The following GYG1 variants were observed in gnomAD, a reference collection of about 807,000 sequenced individuals.
The protein encoded by GYG1 is glycogenin-1.
A neutral mutation model predicts 41.9 loss-of-function variants in GYG1; 44 were observed. The observed-to-expected ratio is 1.05, with a 90% CI of 0.83 to 1.35. The LOEUF (loss-of-function observed/expected upper bound fraction) is 1.35. Ranked by LOEUF, GYG1 falls within the 40% of genes most tolerant of loss-of-function variation. The pLI is 0.00. For missense variants in GYG1, 429 were observed against 418.9 expected (o/e 1.02, Z -0.21); for synonymous variants, 141 against 158.1 (o/e 0.89, Z 0.81).
In GYG1 at chr3:149,009,260, TA is replaced by T. The variant is rs1559839089; in HGVS notation, c.482-15del. 1.3e-6 allele frequency: 2 copies of T among 1,593,126 alleles called. No individual in the cohort carries two copies. The highest frequency in any genetic ancestry group is 1.7e-4 in the Middle Eastern group (1 of 5,918). On this transcript the variant is annotated splice_polypyrimidine_tract_variant and intron_variant, in intron 4 of 7. Transcript: ENST00000345003. The stretch of plus-strand genomic sequence containing the variant: ...CTAGAGATCTGTTAACTAATTTATA[TA>T]TTTTTTTCTTTTAGGTGGGGACCAA...
At chr3:149,011,793 T>TC (rs1713747105) in intron 5 of GYG1, among the ~76,000 whole-genome samples, 2 of 152,076 alleles carry the variant, frequency 1.3e-5, no homozygotes, top group South Asian at 4.1e-4. Context: ...ATTTTGGAAA[T>TC]CCCCCGGGTT....
In GYG1 at chr3:149,028,272, AG is replaced by A. The variant is rs1714758590; in HGVS notation, c.*1340del. ...ACAAGCATATAGACAGCTTAAGTCA[AG>A]AATGGTTGGGGCCACCTTGAAGGCT... On this transcript the variant is annotated 3_prime_UTR_variant, in exon 8 of 8. Coordinates refer to ENST00000345003, the MANE Select transcript of GYG1 (RefSeq NM_004130.4). 6.6e-6 allele frequency among the ~76,000 whole-genome samples: 1 copy of A among 152,236 alleles called. No homozygotes were observed. Among genetic ancestry groups the A allele is most frequent in the South Asian group, 2.1e-4 (1 of 4,830 alleles).
chr3:149,009,179 A>G, intron 4 of GYG1, 97 bp from the exon 5 acceptor site: 2 of 935,614 alleles, frequency 2.1e-6, no homozygotes, highest in East Asian at 2.6e-5. Context: ...AAAAAATGGA[A>G]TTAGTGTCTA....
At chr3:149,026,123 A>ATTT (rs1714638005) in intron 6 of GYG1, among the ~76,000 whole-genome samples, 1 of 152,230 alleles carries the variant, frequency 6.6e-6, no homozygotes, top group African/African-American at 2.4e-5. Context: ...TGAACCAAGG[A>ATTT]AAGGTGAAGA....
At chr3:149,014,067 G>T (rs1713885206) in intron 5 of GYG1, among the ~76,000 whole-genome samples, 1 of 152,058 alleles carries the variant, frequency 6.6e-6, no homozygotes, top group East Asian at 1.9e-4. Flanking sequence ...CACTGCTTAG[G>T]TGTACAGTTT....
chr3:149,027,064 C>CT lies in GYG1; in HGVS notation c.*137dup. Reference sequence around the variant, plus strand: ...TCATTAAAACTTATCAGATGAGAGGCTTTTTTAGGATAAGAGGTGAGAACT... The same window carrying CT: ...TCATTAAAACTTATCAGATGAGAGGCTTTTTTTAGGATAAGAGGTGAGAACT... On this transcript the variant is annotated 3_prime_UTR_variant, in exon 8 of 8. Coordinates refer to ENST00000345003, the MANE Select transcript of GYG1 (RefSeq NM_004130.4). 4.3e-6 allele frequency: 4 copies of CT among 934,342 alleles called. No homozygotes were observed. In the Admixed American group the frequency reaches 6.4e-5, roughly 15 times the overall value. The allele number at this position is 934,342 out of a possible 1,614,324, so 57.9% of individuals were successfully genotyped here. A position where few individuals can be genotyped will look rare whatever the true frequency, so the allele number is the denominator to read the frequency against.
At chr3:149,004,592 C>T (rs1014889751) in intron 4 of GYG1, among the ~76,000 whole-genome samples, 3 of 152,192 alleles carry the variant, frequency 2.0e-5, no homozygotes, top group African/African-American at 7.2e-5. Flanking sequence ...AATTCAGCTA[C>T]GGACTTCTAC....
intron 4 of GYG1, among the ~76,000 whole-genome samples, chr3:149,003,633 A>G (rs759394681): frequency 6.6e-5 from 10 of 152,194 alleles, no homozygotes; most frequent in Admixed American, 4.6e-4. Context: ...TATGCAGACA[A>G]ATTCCCTAGG....
At chr3:148,991,746 G>A in intron 1 of GYG1, 99 bp downstream of exon 1, 1 of 1,028,904 alleles carries the variant, frequency 9.7e-7, no homozygotes, top group Admixed American at 2.4e-5. Flanking sequence ...GAGTGTTCCC[G>A]GCAGGACGAA....
chr3:148,999,277 G>A (rs1184358732), intron 4 of GYG1, among the ~76,000 whole-genome samples: 1 of 152,142 alleles, frequency 6.6e-6, no homozygotes, highest in Non-Finnish European at 1.5e-5. Context: ...AGGTTTCCAG[G>A]TGCTGGCCAT....
rs1714730288 is a variant in GYG1 at position 149,027,641 on chromosome 3, G to A, written c.*708G>A. The A allele has an allele frequency of 6.6e-6, 1 of 152,382 alleles. No homozygotes were observed. The highest frequency in any genetic ancestry group is 2.4e-5 in the African/African-American group (1 of 41,444). The allele number at this position is 152,382 out of a possible 1,614,324, so 9.4% of individuals were successfully genotyped here. On this transcript the variant is annotated 3_prime_UTR_variant, in exon 8 of 8. Coordinates refer to ENST00000345003, the MANE Select transcript of GYG1 (RefSeq NM_004130.4). ...AAAGACTTATTGCTGTATCTTGGTTGTTTAATTAAATTAAGGAATTTCACC... is the reference window on the plus strand; with the variant it reads ...AAAGACTTATTGCTGTATCTTGGTTATTTAATTAAATTAAGGAATTTCACC...
chr3:149,010,476 G>A (rs759284896), intron 5 of GYG1, among the ~76,000 whole-genome samples: 4 of 152,030 alleles, frequency 2.6e-5, no homozygotes, highest in Admixed American at 6.5e-5. Flanking sequence ...ACAGGCACGT[G>A]CCACTACACA....
chr3:149,012,910 G>A (rs1461947621), intron 5 of GYG1, among the ~76,000 whole-genome samples: 1 of 151,786 alleles, frequency 6.6e-6, no homozygotes, highest in Non-Finnish European at 1.5e-5. Flanking sequence ...CTATAGCCTC[G>A]ACCTCCTGAG....
At chr3:149,024,613 T>A (rs1714553419) in intron 6 of GYG1, among the ~76,000 whole-genome samples, 1 of 152,246 alleles carries the variant, frequency 6.6e-6, no homozygotes, top group Non-Finnish European at 1.5e-5. Context: ...ATTGAATGTT[T>A]TAGGAACTGC....
In GYG1 at chr3:149,024,113, T is replaced by C; in HGVS notation, c.669T>C (p.Thr223=). The part of the protein sequence containing the change: ...FLGRVKPWNY[T]YDPKTKSVKS... The stretch of plus-strand genomic sequence containing the variant: ...GACGAGTCAAACCATGGAATTATAC[T>C]TATGATCCCAAAACAAAAAGTGTCA... Residue 223 remains threonine, a synonymous_variant, in exon 6 of 8, where the codon ACT becomes ACC. Transcript: ENST00000345003. 6.2e-7 allele frequency: 1 copy of C among 1,614,174 alleles called. No individual in the cohort carries two copies. Among genetic ancestry groups the C allele is most frequent in the Non-Finnish European group, 8.5e-7 (1 of 1,180,000 alleles).
At chr3:149,015,933 C>T (rs1167606424) in intron 5 of GYG1, among the ~76,000 whole-genome samples, 1 of 151,990 alleles carries the variant, frequency 6.6e-6, no homozygotes, top group Admixed American at 6.6e-5. Flanking sequence ...AAGGGGATGG[C>T]ACCTAGAACA....
In GYG1 at chr3:148,991,634, C is replaced by T. The variant is rs1257597071; in HGVS notation, c.-7C>T. On this transcript the variant is annotated 5_prime_UTR_variant, in exon 1 of 8. Coordinates refer to ENST00000345003, the MANE Select transcript of GYG1 (RefSeq NM_004130.4). ...CTGCCCCGGCCGCCTGCGCACCCGG[C>T]AGCACCATGACAGGTACCGCCGCGC... 5.2e-6 allele frequency: 8 copies of T among 1,552,850 alleles called. No individual in the cohort carries two copies. The highest frequency in any genetic ancestry group is 2.7e-5 in the African/African-American group (2 of 72,802).
At chr3:149,024,643 C>T (rs1323510106) in intron 6 of GYG1, among the ~76,000 whole-genome samples, 1 of 152,192 alleles carries the variant, frequency 6.6e-6, no homozygotes, top group Non-Finnish European at 1.5e-5. Flanking sequence ...GATGTATCTA[C>T]TTTATATTTG....
At position 149,026,785 on chromosome 3, in the gene GYG1, A is replaced by T; in HGVS notation, c.905A>T (p.His302Leu). 4 of 1,613,168 alleles carry T rather than the reference A, an allele frequency of 2.5e-6. No homozygotes were observed. The highest frequency in any genetic ancestry group is 3.4e-6 in the Non-Finnish European group (4 of 1,179,082). The change falls in exon 8 of 8, where the codon CAT becomes CTT. Residue 302 changes from histidine (H) to leucine (L), a missense_variant. His to Leu is a moderately conservative substitution (Grantham distance 99). Transcript: ENST00000345003. ...GAAGATGTCTCAGGAGCCATATCAC[A>T]TCTGTCCCTTGGGGAGATCCCAGCT... Reference protein sequence around the residue: ...RKEDVSGAISHLSLGEIPAMA... With the variant: ...RKEDVSGAISLLSLGEIPAMA...
Sources: gnomAD v4.1 joint callset for allele counts (sites outside exome capture counted in the v4.1 genomes callset) on GRCh38, gnomAD v4.1.1 for gene constraint, MANE v1.5 for transcripts, NCBI Gene and HGNC (gene_info 2026-07-23, HGNC 2026-07-21) for gene names.